Variants in OPCML observed in about 807,000 individuals in gnomAD.
OPCML encodes opioid binding protein/cell adhesion molecule like, also known as opioid-binding protein/cell adhesion molecule.
In OPCML, 13 loss-of-function variants were observed where a neutral mutation model predicts 37.8. That is an observed-to-expected ratio of 0.34 (90% CI 0.22 to 0.55). The LOEUF is 0.55. Ranked by LOEUF, OPCML falls within the 20% of genes least tolerant of loss-of-function variation. The probability of loss-of-function intolerance (pLI) is 0.91; values close to 1 mark genes in which losing one functional copy is unlikely to be tolerated. For synonymous variants in OPCML, 176 were observed against 168.8 expected, an observed-to-expected ratio of 1.04 and a Z score of -0.33; for missense variants, 341 against 435.6, an observed-to-expected ratio of 0.78 and a Z score of 1.93.
rs1426888623 is a variant in OPCML, at chr11:133,532,370, G to A, written c.-46C>T. Reference sequence around the variant, plus strand: ...AGCTGCCGGGCTTGCTACTGCTTCTGCTGCTGCTACCGCTGCTGCCTTCCT... The same window carrying A: ...AGCTGCCGGGCTTGCTACTGCTTCTACTGCTGCTACCGCTGCTGCCTTCCT... On this transcript the variant is annotated 5_prime_UTR_variant, in exon 1 of 8. Coordinates refer to ENST00000524381, the MANE Select transcript of OPCML (RefSeq NM_001012393.5). The A allele has an allele frequency of 6.2e-7, 1 of 1,600,032 alleles. No homozygotes were observed. The highest frequency in any genetic ancestry group is 1.1e-5 in the South Asian group (1 of 89,098).
At chr11:133,158,818 C>T (rs1201056833) in intron 1 of OPCML, among the ~76,000 whole-genome samples, 1 of 151,804 alleles carries the variant, frequency 6.6e-6, no homozygotes, top group Non-Finnish European at 1.5e-5. Flanking sequence ...GGAAGGAAAT[C>T]CTGAAGAACC....
intron 1 of OPCML, among the ~76,000 whole-genome samples, chr11:133,185,908 TTTACA>T (rs1938050657): frequency 6.6e-6 from 1 of 152,222 alleles, no homozygotes; most frequent in Non-Finnish European, 1.5e-5. Context: ...ATGATTTTTC[TTTACA>T]TTAAATTCTC....
chr11:133,166,008 T>C (rs1950203941), intron 1 of OPCML, among the ~76,000 whole-genome samples: 2 of 152,228 alleles, frequency 1.3e-5, no homozygotes, highest in South Asian at 4.1e-4. Flanking sequence ...GAATGCCTAT[T>C]CTGTGTCAAC....
chr11:132,867,594 T>C (rs1445916356), intron 2 of OPCML, among the ~76,000 whole-genome samples: 1 of 152,204 alleles, frequency 6.6e-6, no homozygotes, highest in African/African-American at 2.4e-5. Context: ...CCAGTGAATC[T>C]GCTGCAATTT....
At chr11:132,490,185 C>T (rs1006306135) in intron 4 of OPCML, among the ~76,000 whole-genome samples, 3 of 151,902 alleles carry the variant, frequency 2.0e-5, no homozygotes, top group African/African-American at 7.3e-5. Context: ...ACTGTGCCCT[C>T]TTCTCACCTC....
chr11:133,512,365 A>T (rs1284635944), intron 1 of OPCML, among the ~76,000 whole-genome samples: 2 of 152,248 alleles, frequency 1.3e-5, no homozygotes, highest in Non-Finnish European at 2.9e-5. Flanking sequence ...ACAGATGAAC[A>T]GCCAGATGGA....
At position 132,943,359 on chromosome 11, in the gene OPCML, G is replaced by A. The variant is rs1945650804; in HGVS notation, c.62-349C>T. The A allele has an allele frequency of 1.9e-6, 1 of 529,496 alleles. No homozygotes were observed. The highest frequency in any genetic ancestry group is 3.1e-5 in the Admixed American group (1 of 32,056). 32.8% of individuals were successfully genotyped at this position (529,496 alleles called of 1,614,324 possible). ...TCTTGACGCTCCCCTGGGGAGGAGG[G>A]AGGCGGCCAGGAGGGGAGAGGAAGA... is the stretch of plus-strand genomic sequence containing the variant. On this transcript the variant is annotated intron_variant, in intron 1 of 7. Transcript: ENST00000524381. This position sits in a 1 kb window ranked among gnomAD's most constrained non-coding sequence, Gnocchi z 4.3.
intron 1 of OPCML, among the ~76,000 whole-genome samples, chr11:133,083,860 A>G (rs1192767733): frequency 6.6e-6 from 1 of 152,200 alleles, no homozygotes; most frequent in African/African-American, 2.4e-5. Flanking sequence ...AACTTGGTAG[A>G]TGTCCCAATC....
intron 1 of OPCML, among the ~76,000 whole-genome samples, chr11:133,327,401 T>C (rs373674235): frequency 5.3e-5 from 8 of 151,948 alleles, no homozygotes; most frequent in Non-Finnish European, 1.5e-5. Flanking sequence ...ATTGCAGAGA[T>C]AGTGTGGCCT....
chr11:132,948,950 G>A (rs1056034616), intron 1 of OPCML, among the ~76,000 whole-genome samples: 25 of 152,218 alleles, frequency 1.6e-4, no homozygotes, highest in African/African-American at 6.0e-4. Context: ...TTACAGGGCT[G>A]TAATGATCAC....
chr11:132,437,458 A>G, intron 4 of OPCML, 99 bp from the exon 5 acceptor site: 1 of 1,536,758 alleles, frequency 6.5e-7, no homozygotes, highest in East Asian at 2.4e-5. Context: ...GAAGAGAAAA[A>G]GCCATCAGAA....
chr11:132,480,151 A>G (rs1307127629), intron 4 of OPCML, among the ~76,000 whole-genome samples: 1 of 152,170 alleles, frequency 6.6e-6, no homozygotes, highest in Non-Finnish European at 1.5e-5. Flanking sequence ...TAACTAGAAT[A>G]ACCAATACAG....
chr11:133,069,794 T>A (rs1376505016), intron 1 of OPCML, among the ~76,000 whole-genome samples: 1 of 152,110 alleles, frequency 6.6e-6, no homozygotes, highest in African/African-American at 2.4e-5. Flanking sequence ...AAACGCCATA[T>A]AATAATTATC....
chr11:132,585,034 C>A (rs1394156926), intron 3 of OPCML, among the ~76,000 whole-genome samples: 1 of 152,178 alleles, frequency 6.6e-6, no homozygotes, highest in African/African-American at 2.4e-5. Context: ...TCTGTCTACA[C>A]ATCCAGTTGA....
intron 3 of OPCML, among the ~76,000 whole-genome samples, chr11:132,588,724 C>T (rs2096478477): frequency 1.3e-5 from 2 of 152,118 alleles, no homozygotes; most frequent in Admixed American, 1.3e-4. Context: ...AATCCATGGC[C>T]AGTGTCTAAC....
intron 1 of OPCML, among the ~76,000 whole-genome samples, chr11:133,376,266 A>T (rs1370886546): frequency 6.6e-6 from 1 of 152,220 alleles, no homozygotes; most frequent in Non-Finnish European, 1.5e-5. Context: ...AAATGTAATA[A>T]CTAGAAGGAG....
intron 3 of OPCML, among the ~76,000 whole-genome samples, chr11:132,641,370 G>C (rs375713971): frequency 6.6e-6 from 1 of 152,202 alleles, no homozygotes; most frequent in African/African-American, 2.4e-5. Flanking sequence ...ACCTCTTAAG[G>C]CAGGTGCAAG....
In OPCML at chr11:133,348,307, C is replaced by T. The variant is rs543093645; in HGVS notation, c.61+183957G>A. Among the ~76,000 whole-genome samples, 14 of 152,300 alleles carry T rather than the reference C, an allele frequency of 9.2e-5. 1 individual carries two copies. The highest frequency in any genetic ancestry group is 7.7e-4 in the East Asian group (4 of 5,176). On this transcript the variant is annotated intron_variant, in intron 1 of 7. Transcript: ENST00000524381. ...GCATATCTCAGCTGTGAGCTGCTTG[C>T]GGGCAAGGACTGTGCCTAATTCATC...
At chr11:132,834,410 C>A (rs1465004854) in intron 2 of OPCML, among the ~76,000 whole-genome samples, 1 of 152,212 alleles carries the variant, frequency 6.6e-6, no homozygotes, top group Non-Finnish European at 1.5e-5. Flanking sequence ...GCTGCTGTCA[C>A]AAAGCACCAT....
Sources: allele counts gnomAD v4.1 joint callset (sites outside exome capture counted in the v4.1 genomes callset), GRCh38; gene constraint gnomAD v4.1.1; non-coding constraint Gnocchi (gnomAD v3.1); transcripts MANE v1.5; gene names NCBI Gene and HGNC (gene_info 2026-07-23, HGNC 2026-07-21).